The following GRIA3 variants were observed in gnomAD, a reference collection of about 807,000 sequenced individuals.
GRIA3 encodes glutamate ionotropic receptor AMPA type subunit 3, also known as glutamate receptor 3.
In GRIA3, 3 loss-of-function variants were observed where a neutral mutation model predicts 63.0. The ratio of observed to expected loss-of-function variants is 0.05; its 90% CI spans 0.02 to 0.12. The LOEUF (loss-of-function observed/expected upper bound fraction) is 0.12. GRIA3 is among the 10% of genes least tolerant of loss of function. The pLI is 1.00. For missense variants in GRIA3, 347 were observed against 700.9 expected (o/e 0.50, Z 5.70); for synonymous variants, 274 against 257.9 (o/e 1.06, Z -0.60).
intron 12 of GRIA3, among the ~76,000 whole-genome samples, chrX:123,448,161 A>G (rs2045712602): frequency 8.9e-6 from 1 of 112,446 alleles, no homozygotes; most frequent in African/African-American, 3.2e-5. Context: ...TCTTCCATGG[A>G]ATACCTAGAC....
chrX:123,403,804 C>T (rs758868294), intron 9 of GRIA3, among the ~76,000 whole-genome samples: 1 of 111,599 alleles, frequency 9.0e-6, no homozygotes, highest in Admixed American at 9.5e-5. Flanking sequence ...TTCATCTGGA[C>T]TTGAAACCTA....
chrX:123,273,309 T>C (rs973204659), intron 3 of GRIA3, among the ~76,000 whole-genome samples: 2 of 112,109 alleles, frequency 1.8e-5, no homozygotes, highest in Non-Finnish European at 3.8e-5. Context: ...TGCATTTTAA[T>C]GCTTCAAAAG....
chrX:123,410,776 A>C (rs151215147), intron 10 of GRIA3, among the ~76,000 whole-genome samples: 78 of 111,707 alleles, frequency 7.0e-4, no homozygotes, highest in South Asian at 1.5e-3. Flanking sequence ...AGGACACATG[A>C]AGTATGCCAT....
chrX:123,284,422 C>T (rs2044605453), intron 3 of GRIA3, among the ~76,000 whole-genome samples: 1 of 111,245 alleles, frequency 9.0e-6, no homozygotes, highest in Non-Finnish European at 1.9e-5. Context: ...CAGAAGTAGG[C>T]TTCAGAGGGT....
intron 5 of GRIA3, among the ~76,000 whole-genome samples, chrX:123,372,450 A>G (rs1441727764): frequency 8.9e-6 from 1 of 112,053 alleles, no homozygotes; most frequent in Non-Finnish European, 1.9e-5. Flanking sequence ...TTGAATCTGT[A>G]GATTTCTTTG....
intron 3 of GRIA3, among the ~76,000 whole-genome samples, chrX:123,291,522 C>A (rs1365596044): frequency 9.0e-6 from 1 of 110,641 alleles, no homozygotes; most frequent in Non-Finnish European, 1.9e-5. Flanking sequence ...ACACAATATA[C>A]AAACCTGCAC....
chrX:123,262,322 G>A (rs1307995343), intron 3 of GRIA3, among the ~76,000 whole-genome samples: 3 of 111,658 alleles, frequency 2.7e-5, no homozygotes, highest in African/African-American at 9.8e-5. Flanking sequence ...GAGAGTGAGG[G>A]TAATTTTCCC....
intron 5 of GRIA3, chrX:123,358,431 A>G (rs2147352221): frequency 8.9e-6 from 1 of 112,379 alleles, no homozygotes. Flanking sequence ...TAAAGTGAGA[A>G]GACTTGGATA....
intron 3 of GRIA3, among the ~76,000 whole-genome samples, chrX:123,324,969 G>A (rs1033328991): frequency 2.7e-5 from 3 of 112,014 alleles, no homozygotes; most frequent in Non-Finnish European, 5.6e-5. Flanking sequence ...AAATTGCTAT[G>A]GCATGGATCA....
intron 4 of GRIA3, among the ~76,000 whole-genome samples, chrX:123,333,036 T>C: frequency 9.0e-6 from 1 of 111,284 alleles, no homozygotes; most frequent in East Asian, 2.8e-4. Context: ...GGGTACTAGA[T>C]GACAGACAGT....
Position 123,486,981 on chromosome X carries a change from C to A in GRIA3, c.*3-1732C>A, listed in dbSNP as rs746699509. On this transcript the variant is annotated intron_variant, in intron 15 of 15. Coordinates refer to ENST00000620443, the MANE Select transcript of GRIA3 (RefSeq NM_007325.5). The stretch of plus-strand genomic sequence containing the variant: ...GGGCATCCTTGAAAGATGAGGGAGT[C>A]GTTTCTCATTTTCTATGGGTGATAG... Among the ~76,000 whole-genome samples, 8 of 112,182 alleles carry A rather than the reference C, an allele frequency of 7.1e-5. No individual in the cohort carries two copies. In the South Asian group the frequency reaches 3.0e-3, roughly 42 times the overall value.
chrX:123,274,529 G>T (rs1225547510), intron 3 of GRIA3, among the ~76,000 whole-genome samples: 3 of 112,415 alleles, frequency 2.7e-5, no homozygotes, highest in Non-Finnish European at 3.8e-5. Context: ...AGTCCCATTT[G>T]CCTCTCATCA....
At chrX:123,385,548 G>C (rs1402555082) in intron 5 of GRIA3, among the ~76,000 whole-genome samples, 1 of 111,775 alleles carries the variant, frequency 8.9e-6, no homozygotes, top group East Asian at 2.8e-4. Flanking sequence ...AGTTTGATGG[G>C]AATAGCATTG....
chrX:123,246,879 CAAAA>C (rs11435824), intron 2 of GRIA3, among the ~76,000 whole-genome samples: 1 of 92,116 alleles, frequency 1.1e-5, no homozygotes, highest in Admixed American at 1.2e-4. Context: ...TACTGTCTTT[CAAAA>C]AAAAAAAAAA....
chrX:123,316,092 C>G (rs771600142), intron 3 of GRIA3, among the ~76,000 whole-genome samples: 31 of 109,058 alleles, frequency 2.8e-4, no homozygotes, highest in Middle Eastern at 4.8e-3. Flanking sequence ...ATTAAAATGT[C>G]AAACTTTTAT....
intron 15 of GRIA3, 62 bp downstream of exon 15, chrX:123,483,108 CTTCT>C: frequency 8.2e-6 from 7 of 856,637 alleles, no homozygotes; most frequent in Non-Finnish European, 9.7e-6. Context: ...CTCTTTTTTT[CTTCT>C]TTTTTTTTTT....
intron 4 of GRIA3, among the ~76,000 whole-genome samples, chrX:123,349,922 G>T (rs1051967241): frequency 9.0e-6 from 1 of 111,700 alleles, no homozygotes; most frequent in African/African-American, 3.2e-5. Flanking sequence ...AGTATGGCAT[G>T]TTTTAAGGCT....
chrX:123,473,655 A>G (rs184256479), intron 13 of GRIA3, among the ~76,000 whole-genome samples: 15 of 111,881 alleles, frequency 1.3e-4, no homozygotes, highest in Non-Finnish European at 2.4e-4. Context: ...AGACATTTCT[A>G]AAAAGTTGTT....
chrX:123,256,240 G>C (rs191091119), intron 3 of GRIA3, among the ~76,000 whole-genome samples: 1 of 111,844 alleles, frequency 8.9e-6, no homozygotes, highest in Non-Finnish European at 1.9e-5. Flanking sequence ...TAGATGCTAA[G>C]GCTACAATAA....
Sources: allele counts gnomAD v4.1 joint callset (sites outside exome capture counted in the v4.1 genomes callset), GRCh38; gene constraint gnomAD v4.1.1; transcripts MANE v1.5; gene names NCBI Gene and HGNC (gene_info 2026-07-23, HGNC 2026-07-21).